SPINK5: variants seen among roughly 807,000 people sequenced by gnomAD.
SPINK5 encodes the protein serine protease inhibitor Kazal-type 5.
SPINK5 carries 125 observed loss-of-function variants against 151.8 expected under a neutral mutation model. That is an observed-to-expected ratio of 0.82 (90% CI 0.71 to 0.96). SPINK5 has a LOEUF of 0.96. Ranked by LOEUF, SPINK5 falls within the 40% of genes least tolerant of loss-of-function variation. SPINK5 has a pLI of 0.00. For synonymous variants in SPINK5, 374 were observed against 395.3 expected (o/e 0.95, Z 0.64); for missense variants, 1,194 against 1,291.9 (o/e 0.92, Z 1.16).
chr5:148,120,252 G>A (rs370385234), intron 25 of SPINK5, 43 bp from the exon 26 acceptor site: 16 of 1,605,630 alleles, frequency 1.0e-5, no homozygotes, highest in Admixed American at 1.7e-5. Flanking sequence ...TTAATGAGGC[G>A]TTTGTTCACT....
In SPINK5 at chr5:148,091,151, ACTTTT is replaced by A; in HGVS notation, c.603-10_603-6del. On this transcript the variant is annotated splice_polypyrimidine_tract_variant and intron_variant, in intron 7 of 32. Transcript: ENST00000256084. Reference sequence around the variant, plus strand: ...TGAGTCATAAACTGACCAACTGTTTACTTTTCTTAACAGTTTAAAAGAAGCTGAAA... The same window carrying A: ...TGAGTCATAAACTGACCAACTGTTTACTTAACAGTTTAAAAGAAGCTGAAA... 1 of 1,608,980 alleles carries A rather than the reference ACTTTT, an allele frequency of 6.2e-7. No homozygotes were observed. Among genetic ancestry groups the A allele is most frequent in the Non-Finnish European group, 8.5e-7 (1 of 1,176,840 alleles).
intron 4 of SPINK5, among the ~76,000 whole-genome samples, chr5:148,072,890 C>T (rs10070507): frequency 0.11 from 16,369 of 149,038 alleles, 1,180 homozygotes; most frequent in East Asian, 0.25. Flanking sequence ...GGTCATAAAA[C>T]ATTAAGAAGT....
intron 26 of SPINK5, among the ~76,000 whole-genome samples, chr5:148,123,395 TATAG>T (rs1355319888): frequency 7.9e-6 from 1 of 126,304 alleles, no homozygotes; most frequent in Non-Finnish European, 1.7e-5. Flanking sequence ...TATATATATA[TATAG>T]ATAGATATAA....
intron 10 of SPINK5, among the ~76,000 whole-genome samples, chr5:148,096,737 TTTTTC>T (rs1199215679): frequency 6.9e-6 from 1 of 144,248 alleles, no homozygotes. Context: ...TTTCTTTTTC[TTTTTC>T]TTTTCTTTTC....
In SPINK5 at chr5:148,091,013, C is replaced by CTCAG. The variant is rs1266151945; in HGVS notation, c.603-151_603-148dup. On this transcript the variant is annotated intron_variant, in intron 7 of 32. Transcript: ENST00000256084. ...TCCTTATCTTTGGCAATTTCTCTGGCTCAGGCATTGAAGACGGAAATGCTT... is the reference window on the plus strand; with the variant it reads ...TCCTTATCTTTGGCAATTTCTCTGGCTCAGTCAGGCATTGAAGACGGAAATGCTT... The CTCAG allele has an allele frequency of 7.6e-6, 5 of 655,848 alleles. No homozygotes were observed. The African/African-American group carries it at 9.1e-5, about 12-fold the overall frequency. The allele number at this position is 655,848 out of a possible 1,614,324, so 40.6% of individuals were successfully genotyped here. A position where few individuals can be genotyped will look rare whatever the true frequency, so the allele number is the denominator to read the frequency against.
At chr5:148,089,719 T>C (rs1000543041) in intron 7 of SPINK5, 98 bp downstream of exon 7, 16 of 1,561,376 alleles carry the variant, frequency 1.0e-5, no homozygotes, top group East Asian at 2.3e-5. Context: ...TCATGAAGCA[T>C]GCAATTCTTT....
intron 31 of SPINK5, among the ~76,000 whole-genome samples, chr5:148,133,162 A>C (rs1027309673): frequency 6.6e-6 from 1 of 152,232 alleles, no homozygotes; most frequent in African/African-American, 2.4e-5. Flanking sequence ...GATATTATAA[A>C]GAAGGATCAG....
chr5:148,120,634 AT>A (rs951966724), intron 26 of SPINK5, among the ~76,000 whole-genome samples: 2 of 152,086 alleles, frequency 1.3e-5, no homozygotes, highest in Non-Finnish European at 2.9e-5. Flanking sequence ...AGTGAATTTC[AT>A]TTTTGAATTT....
At chr5:148,135,167 T>C (rs1561710916) in intron 32 of SPINK5, among the ~76,000 whole-genome samples, 1 of 152,184 alleles carries the variant, frequency 6.6e-6, no homozygotes, top group Non-Finnish European at 1.5e-5. Flanking sequence ...AGTTTAAACT[T>C]TAACTCTAGT....
chr5:148,085,051 T>G (rs1308244976), intron 4 of SPINK5, among the ~76,000 whole-genome samples: 3 of 151,870 alleles, frequency 2.0e-5, no homozygotes, highest in Non-Finnish European at 2.9e-5. Flanking sequence ...GTAGTTAATA[T>G]GTAATAAATT....
intron 10 of SPINK5, among the ~76,000 whole-genome samples, 197 bp from the exon 11 acceptor site, chr5:148,097,670 A>G (rs564825107): frequency 1.3e-5 from 2 of 152,182 alleles, no homozygotes; most frequent in African/African-American, 4.8e-5. Context: ...TTCTATTTAT[A>G]TATTCCTAAC....
In SPINK5 at chr5:148,087,697, T is replaced by C. The variant is rs930777135; in HGVS notation, c.411-845T>C. Among the ~76,000 whole-genome samples the C allele has an allele frequency of 5.3e-5, 8 of 151,960 alleles. No individual in the cohort carries two copies. The South Asian group carries it at 6.2e-4, about 12-fold the overall frequency. On this transcript the variant is annotated intron_variant, in intron 5 of 32. Transcript: ENST00000256084. ...TATGTGGGGAATCCCATTATAAATCTTTAAATCTCTGGTCCAGGTGAAAGT... is the reference window on the plus strand; with the variant it reads ...TATGTGGGGAATCCCATTATAAATCCTTAAATCTCTGGTCCAGGTGAAAGT...
rs370317811 is a variant in SPINK5 at position 148,114,473 on chromosome 5, A to G, written c.1999A>G (p.Met667Val). The change falls in exon 21 of 33, where the codon ATG becomes GTG. Residue 667 changes from methionine (M) to valine (V), a missense_variant. Met to Val is a conservative substitution (Grantham distance 21, BLOSUM62 1). Coordinates refer to ENST00000256084, the MANE Select transcript of SPINK5 (RefSeq NM_006846.4). ...DGKTHGNKCAMCKAVFQKENE... is the reference protein window; with the variant it reads ...DGKTHGNKCAVCKAVFQKENE... ...CAAGACCCATGGCAACAAGTGTGCC[A>G]TGTGTAAGGCAGTCTTGTGAGTGCA... 1.6e-5 allele frequency: 26 copies of G among 1,613,574 alleles called. No homozygotes were observed. In the African/African-American group the frequency reaches 2.8e-4, roughly 17 times the overall value.
Position 148,107,255 on chromosome 5 carries a change from CGT to C in SPINK5, c.1607+93_1607+94del, listed in dbSNP as rs3036740. The C allele has an allele frequency of 0.5, 785,703 of 1,558,782 alleles. 203,478 individuals are homozygous for C. The highest frequency in any genetic ancestry group is 0.66 in the Admixed American group (38,630 of 58,818). ...CTTCATGCATGTGTAGAGTATAGACCGTGAGTTATATATTAGAAAGGTTTACA... is the reference window on the plus strand; with the variant it reads ...CTTCATGCATGTGTAGAGTATAGACCGAGTTATATATTAGAAAGGTTTACA... On this transcript the variant is annotated intron_variant, in intron 17 of 32. Coordinates refer to ENST00000256084, the MANE Select transcript of SPINK5 (RefSeq NM_006846.4).
chr5:148,104,411 G>T (rs1200061268), intron 15 of SPINK5, among the ~76,000 whole-genome samples: 1 of 152,170 alleles, frequency 6.6e-6, no homozygotes, highest in Non-Finnish European at 1.5e-5. Flanking sequence ...ATACTGGGAA[G>T]TTAAACAGGT....
chr5:148,086,605 A>G lies in SPINK5; in HGVS notation c.410+73A>G. 3.8e-6 allele frequency: 6 copies of G among 1,577,328 alleles called. No individual in the cohort carries two copies. The South Asian group carries it at 5.7e-5, about 15-fold the overall frequency. ...ATAATTACATGACACAATTTTCCCT[A>G]CAGTCTTTAAGCTAACGATTCATTA... On this transcript the variant is annotated intron_variant, in intron 5 of 32. Coordinates refer to ENST00000256084, the MANE Select transcript of SPINK5 (RefSeq NM_006846.4).
At chr5:148,119,896 C>G in intron 24 of SPINK5, 113 bp from the exon 25 acceptor site, 2 of 1,211,138 alleles carry the variant, frequency 1.7e-6, no homozygotes, top group Admixed American at 2.0e-5. Context: ...TTTTGCCTAT[C>G]ACAGCAAGGT....
At chr5:148,116,219 T>G in intron 21 of SPINK5, 151 bp from the exon 22 acceptor site, 1 of 726,532 alleles carries the variant, frequency 1.4e-6, no homozygotes, top group Non-Finnish European at 2.3e-6. Flanking sequence ...TATATTTTTA[T>G]TTTTAGAGAA....
At chr5:148,093,359 G>T (rs568884640) in intron 8 of SPINK5, among the ~76,000 whole-genome samples, 5 of 151,842 alleles carry the variant, frequency 3.3e-5, no homozygotes, top group African/African-American at 9.7e-5. Context: ...TTTGGTGGGG[G>T]GAAGTCACTC....
Sources: allele counts gnomAD v4.1 joint callset (sites outside exome capture counted in the v4.1 genomes callset), GRCh38; gene constraint gnomAD v4.1.1; transcripts MANE v1.5; gene names NCBI Gene and HGNC (gene_info 2026-07-23, HGNC 2026-07-21).